The following DLG2 variants were observed in gnomAD, a reference collection of about 807,000 sequenced individuals.
DLG2 encodes discs large MAGUK scaffold protein 2, also known as disks large homolog 2.
DLG2 carries 45 observed loss-of-function variants against 132.5 expected under a neutral mutation model. The ratio of observed to expected loss-of-function variants is 0.34; its 90% CI spans 0.27 to 0.44. The LOEUF is 0.44. DLG2 is among the 20% of genes least tolerant of loss of function. The pLI, the probability that DLG2 is intolerant of heterozygous loss-of-function variation, is 1.00. For synonymous variants in DLG2, 424 were observed against 419.6 expected (o/e 1.01, Z -0.13); for missense variants, 1,045 against 1,196.9 (o/e 0.87, Z 1.87).
chr11:85,069,223 A>G (rs1184364884), intron 6 of DLG2, among the ~76,000 whole-genome samples: 1 of 152,118 alleles, frequency 6.6e-6, no homozygotes, highest in Middle Eastern at 3.2e-3. Context: ...AGGCAATACC[A>G]TTCAGGACAT....
chr11:85,122,452 T>C (rs561305262), intron 5 of DLG2, among the ~76,000 whole-genome samples: 2 of 152,178 alleles, frequency 1.3e-5, no homozygotes, highest in Non-Finnish European at 2.9e-5. Context: ...GGAAACCAAA[T>C]GTTATTGATT....
intron 3 of DLG2, among the ~76,000 whole-genome samples, chr11:85,525,943 C>T (rs528441352): frequency 3.9e-4 from 60 of 152,052 alleles, no homozygotes; most frequent in Non-Finnish European, 4.7e-4. Context: ...AGTACATGAA[C>T]GAGAGGAAAC....
intron 11 of DLG2, among the ~76,000 whole-genome samples, chr11:84,049,502 AC>A (rs1420027195): frequency 6.6e-6 from 1 of 151,740 alleles, no homozygotes; most frequent in East Asian, 1.9e-4. Flanking sequence ...TCCCCTTGCC[AC>A]ATTGCTTTGA....
chr11:85,320,160 G>C (rs1403258914), intron 3 of DLG2, among the ~76,000 whole-genome samples: 1 of 151,872 alleles, frequency 6.6e-6, no homozygotes, highest in Non-Finnish European at 1.5e-5. Flanking sequence ...CATATGCTGT[G>C]ATAAAAATAT....
Position 83,480,494 on chromosome 11 carries a change from G to T in DLG2, c.2293+3635C>A, listed in dbSNP as rs1450362793. 7 of 1,491,806 alleles carry T rather than the reference G, an allele frequency of 4.7e-6. No homozygotes were observed. In the South Asian group the frequency reaches 8.5e-5, roughly 18 times the overall value. The allele number at this position is 1,491,806 out of a possible 1,614,324, so 92.4% of individuals were successfully genotyped here. A position where few individuals can be genotyped will look rare whatever the true frequency, so the allele number is the denominator to read the frequency against. On this transcript the variant is annotated intron_variant, in intron 22 of 27. Transcript: ENST00000376104. ...ACGGAAAGGAATACACTCATGCAAG[G>T]CTACCAGAAATGTGAGCGAAAGGCA...
rs1179333221 is a variant in DLG2, at chr11:83,455,490, C to T, written c.*4328G>A. 1 of 152,650 alleles carries T rather than the reference C, an allele frequency of 6.6e-6. No homozygotes were observed. Among genetic ancestry groups the T allele is most frequent in the Non-Finnish European group, 1.5e-5 (1 of 68,056 alleles). The allele number at this position is 152,650 out of a possible 1,614,324, so 9.5% of individuals were successfully genotyped here. On this transcript the variant is annotated 3_prime_UTR_variant, in exon 28 of 28. Coordinates refer to ENST00000376104, the MANE Select transcript of DLG2 (RefSeq NM_001142699.3). Reference sequence around the variant, plus strand: ...ATCCCATTGGGAGTCAACCTTGCCACTTGGTTGTCTGTCCTCATGAGTTGC... The same window carrying T: ...ATCCCATTGGGAGTCAACCTTGCCATTTGGTTGTCTGTCCTCATGAGTTGC...
chr11:85,109,173 T>C (rs185752671), intron 6 of DLG2, among the ~76,000 whole-genome samples: 2 of 152,238 alleles, frequency 1.3e-5, no homozygotes, highest in South Asian at 2.1e-4. Flanking sequence ...AGCCCACCTC[T>C]GTGGACTGGG....
At chr11:84,391,479 T>G (rs2154441447) in intron 7 of DLG2, among the ~76,000 whole-genome samples, 1 of 152,272 alleles carries the variant, frequency 6.6e-6, no homozygotes, top group South Asian at 2.1e-4. Context: ...TGATATTTCA[T>G]CTTTCCAACA....
rs971754151 is a variant in DLG2 at position 84,324,111 on chromosome 11, G to T, written c.520-72820C>A. ...TGTTTCTGTTTCCTGTGCATTTGTTGTCATATCCAAGAAATCGCAGTAAAG... is the reference window on the plus strand; with the variant it reads ...TGTTTCTGTTTCCTGTGCATTTGTTTTCATATCCAAGAAATCGCAGTAAAG... On this transcript the variant is annotated intron_variant, in intron 7 of 27. Transcript: ENST00000376104. 5.9e-5 allele frequency among the ~76,000 whole-genome samples: 9 copies of T among 152,072 alleles called. No individual in the cohort carries two copies. In the South Asian group the frequency reaches 1.9e-3, roughly 32 times the overall value.
chr11:83,848,284 G>A (rs1342436254), intron 16 of DLG2, among the ~76,000 whole-genome samples: 1 of 151,884 alleles, frequency 6.6e-6, no homozygotes, highest in Admixed American at 6.6e-5. Context: ...TCTAGTGCCT[G>A]GTACAGATTA....
At chr11:83,465,358 C>T (rs1329285735) in intron 26 of DLG2, among the ~76,000 whole-genome samples, 1 of 152,204 alleles carries the variant, frequency 6.6e-6, no homozygotes, top group East Asian at 1.9e-4. Flanking sequence ...TCAGAGGAGA[C>T]ACAGAACAGT....
intron 9 of DLG2, among the ~76,000 whole-genome samples, chr11:84,127,380 C>T (rs2154212174): frequency 6.6e-6 from 1 of 152,284 alleles, no homozygotes; most frequent in East Asian, 1.9e-4. Flanking sequence ...CCTTCTTCTG[C>T]TAAAGCTCTA....
rs181179823 is a variant in DLG2, at chr11:85,190,851, A to C, written c.187-36200T>G. On this transcript the variant is annotated intron_variant, in intron 4 of 27. Transcript: ENST00000376104. ...TCAGAATGATTATTAAAAATTCAGA[A>C]AATGACAGATGTTGGTGATGTTGTG... is the stretch of plus-strand genomic sequence containing the variant. Among the ~76,000 whole-genome samples, 8 of 152,328 alleles carry C rather than the reference A, an allele frequency of 5.3e-5. No individual in the cohort carries two copies. The East Asian group carries it at 1.5e-3, about 29-fold the overall frequency.
intron 19 of DLG2, among the ~76,000 whole-genome samples, chr11:83,586,810 G>A (rs1439035292): frequency 6.6e-6 from 1 of 152,178 alleles, no homozygotes; most frequent in South Asian, 2.1e-4. Flanking sequence ...CAACATCAGG[G>A]AACCTAGCAC....
intron 7 of DLG2, among the ~76,000 whole-genome samples, chr11:84,475,696 A>C (rs1168812174): frequency 6.6e-6 from 1 of 152,034 alleles, no homozygotes; most frequent in Non-Finnish European, 1.5e-5. Context: ...ACTGCATTTA[A>C]CTCTGGTAAA....
intron 6 of DLG2, among the ~76,000 whole-genome samples, chr11:84,862,822 G>C (rs1418706821): frequency 3.0e-5 from 4 of 134,078 alleles, no homozygotes; most frequent in Non-Finnish European, 4.9e-5. Flanking sequence ...CCTGTCGGGG[G>C]GGGGGGGTGG....
chr11:83,641,044 G>A (rs1029399063), intron 18 of DLG2, among the ~76,000 whole-genome samples: 2 of 152,122 alleles, frequency 1.3e-5, no homozygotes, highest in Non-Finnish European at 2.9e-5. Flanking sequence ...TTGTTGTTCT[G>A]AATATCCAAG....
intron 11 of DLG2, among the ~76,000 whole-genome samples, chr11:84,044,871 A>T (rs2096205194): frequency 6.6e-6 from 1 of 151,668 alleles, no homozygotes; most frequent in African/African-American, 2.4e-5. Context: ...CTCAGGAGGG[A>T]AATGGGAGTC....
chr11:83,557,782 G>A (rs886784922), intron 19 of DLG2, among the ~76,000 whole-genome samples: 1 of 152,182 alleles, frequency 6.6e-6, no homozygotes, highest in African/African-American at 2.4e-5. Flanking sequence ...GGTAATCTGG[G>A]GTGGTGGGGA....
Sources: gnomAD v4.1 joint callset for allele counts (sites outside exome capture counted in the v4.1 genomes callset) on GRCh38, gnomAD v4.1.1 for gene constraint, MANE v1.5 for transcripts, NCBI Gene and HGNC (gene_info 2026-07-23, HGNC 2026-07-21) for gene names.